TNFRSF8: variants seen among roughly 807,000 people sequenced by gnomAD.
TNFRSF8 encodes tumor necrosis factor receptor superfamily member 8.
Under a neutral mutation model 70.8 loss-of-function variants are expected in TNFRSF8, and 26 were observed. That is an observed-to-expected ratio of 0.37 (90% confidence interval 0.27 to 0.51). The LOEUF (loss-of-function observed/expected upper bound fraction) is 0.51. TNFRSF8 is among the 20% of genes least tolerant of loss of function. TNFRSF8 has a pLI of 0.94. For synonymous variants in TNFRSF8, 356 were observed against 339.2 expected (o/e 1.05, Z -0.54); for missense variants, 720 against 807.9 (o/e 0.89, Z 1.32).
chr1:12,085,881 G>A (rs1641145299), intron 2 of TNFRSF8, among the ~76,000 whole-genome samples: 1 of 152,228 alleles, frequency 6.6e-6, no homozygotes, highest in South Asian at 2.1e-4. Context: ...AGGACATAAC[G>A]ATGCCCTCGT....
At chr1:12,081,477 G>A (rs938684019) in intron 1 of TNFRSF8, among the ~76,000 whole-genome samples, 1 of 152,074 alleles carries the variant, frequency 6.6e-6, no homozygotes, top group Non-Finnish European at 1.5e-5. Context: ...GCTCCCAGGA[G>A]CCCTCTGGGT....
At chr1:12,068,448 G>A (rs894568725) in intron 1 of TNFRSF8, among the ~76,000 whole-genome samples, 1 of 152,080 alleles carries the variant, frequency 6.6e-6, no homozygotes, top group Non-Finnish European at 1.5e-5. Context: ...CACGCAGAAT[G>A]TCAAAAAAAG....
intron 3 of TNFRSF8, among the ~76,000 whole-genome samples, chr1:12,099,593 TTG>T (rs1641385515): frequency 6.6e-6 from 1 of 152,162 alleles, no homozygotes; most frequent in African/African-American, 2.4e-5. Context: ...TACAATTTTT[TTG>T]TGTGTCTCTG....
intron 1 of TNFRSF8, among the ~76,000 whole-genome samples, chr1:12,073,847 C>T (rs553803006): frequency 6.0e-4 from 92 of 152,170 alleles, no homozygotes; most frequent in African/African-American, 2.0e-3. Context: ...CTGCCTGCCT[C>T]GGCCTCCCAA....
chr1:12,114,837 T>G (rs1410496282), intron 7 of TNFRSF8, among the ~76,000 whole-genome samples: 2 of 150,910 alleles, frequency 1.3e-5, no homozygotes, highest in African/African-American at 4.9e-5. Flanking sequence ...GCCTCCTGAG[T>G]AGCTGGGATT....
rs763247801 is a variant in TNFRSF8 at position 12,138,487 on chromosome 1, G to A, written c.1543+51G>A. Reference sequence around the variant, plus strand: ...CCCTGCAGCCCAGGGGCAGATGGGAGATGAATACGGGGCCCTGGGCCCTGG... The same window carrying A: ...CCCTGCAGCCCAGGGGCAGATGGGAAATGAATACGGGGCCCTGGGCCCTGG... On this transcript the variant is annotated intron_variant, in intron 14 of 14. Transcript: ENST00000263932. This position sits in a 1 kb window ranked among gnomAD's most constrained non-coding sequence, Gnocchi z 5.7. The A allele has an allele frequency of 2.6e-6, 4 of 1,540,076 alleles. No individual in the cohort carries two copies. The highest frequency in any genetic ancestry group is 3.5e-6 in the Non-Finnish European group (4 of 1,133,980).
chr1:12,083,358 C>CAGTGTGTA (rs1641098505), intron 1 of TNFRSF8, among the ~76,000 whole-genome samples: 1 of 152,118 alleles, frequency 6.6e-6, no homozygotes, highest in Non-Finnish European at 1.5e-5. Context: ...AGGAATGTTC[C>CAGTGTGTA]CAGCAGCACT....
chr1:12,087,436 G>A (rs946730990), intron 2 of TNFRSF8, among the ~76,000 whole-genome samples: 2 of 152,160 alleles, frequency 1.3e-5, no homozygotes, highest in Non-Finnish European at 2.9e-5. Context: ...ATAAAGTGCT[G>A]GGATTACAGG....
At chr1:12,117,065 A>AT (rs1453411513) in intron 8 of TNFRSF8, among the ~76,000 whole-genome samples, 6 of 152,082 alleles carry the variant, frequency 3.9e-5, no homozygotes, top group Non-Finnish European at 8.8e-5. Flanking sequence ...TGAGTTTTTA[A>AT]TCCCCAGTAT....
chr1:12,082,283 C>T (rs1046711487), intron 1 of TNFRSF8, among the ~76,000 whole-genome samples: 24 of 152,136 alleles, frequency 1.6e-4, no homozygotes, highest in Non-Finnish European at 3.1e-4. Context: ...AGGTGGCTCA[C>T]GCCTGTAATC....
At chr1:12,099,058 A>C (rs1641375568) in intron 3 of TNFRSF8, among the ~76,000 whole-genome samples, 2 of 152,074 alleles carry the variant, frequency 1.3e-5, no homozygotes, top group Non-Finnish European at 1.5e-5. Flanking sequence ...ATTGGATTAC[A>C]CTGTCAGGTG....
Position 12,063,725 on chromosome 1 carries a change from G to A in TNFRSF8, c.63+64G>A, listed in dbSNP as rs961051618. On this transcript the variant is annotated intron_variant, in intron 1 of 14. Transcript: ENST00000263932. The surrounding 1 kb of genome is among the most constrained non-coding windows in gnomAD (Gnocchi z 7.2). ...CCAGAGCCCGGACAGTGTGGGGTGC[G>A]TGGGACGCAAGGGAGGACACTCCTC... 1 of 1,242,992 alleles carries A rather than the reference G, an allele frequency of 8.0e-7. No homozygotes were observed. Among genetic ancestry groups the A allele is most frequent in the Non-Finnish European group, 1.0e-6 (1 of 982,150 alleles). The allele number at this position is 1,242,992 out of a possible 1,614,324, so 77.0% of individuals were successfully genotyped here.
chr1:12,069,843 G>A (rs1640811541), intron 1 of TNFRSF8, among the ~76,000 whole-genome samples: 1 of 152,172 alleles, frequency 6.6e-6, no homozygotes, highest in South Asian at 2.1e-4. Flanking sequence ...TGAGAGAGAC[G>A]GGCGGCTCCC....
rs1294088868 is a variant in TNFRSF8, at chr1:12,109,620, C to T, written c.476C>T (p.Ala159Val). 4 of 1,613,804 alleles carry T rather than the reference C, an allele frequency of 2.5e-6. No homozygotes were observed. The highest frequency in any genetic ancestry group is 2.5e-6 in the Non-Finnish European group (3 of 1,179,954). The change falls in exon 5 of 15, where the codon GCC (alanine) becomes GTC (valine). Residue 159 changes from alanine to valine, a missense_variant. Transcript: ENST00000263932. The surrounding 1 kb of genome is among the most constrained non-coding windows in gnomAD (Gnocchi z 4.4). ...CEPASPGVSP[A>V]CASPENCKEP... is the part of the protein sequence containing the mutation. The stretch of plus-strand genomic sequence containing the variant: ...CCGGCTTCCCCAGGGGTCAGCCCTG[C>T]CTGTGCCAGCCCAGAGAACTGCAAG...
intron 2 of TNFRSF8, among the ~76,000 whole-genome samples, chr1:12,092,221 C>G (rs1438351725): frequency 6.6e-6 from 1 of 152,126 alleles, no homozygotes; most frequent in Non-Finnish European, 1.5e-5. Context: ...CTCTGTCACC[C>G]AGGCTGGAGT....
chr1:12,087,358 G>A (rs1227052680), intron 2 of TNFRSF8, among the ~76,000 whole-genome samples: 1 of 151,916 alleles, frequency 6.6e-6, no homozygotes, highest in African/African-American at 2.4e-5. Flanking sequence ...AGTAGAGATG[G>A]GGTTTCACCG....
chr1:12,094,025 C>G (rs912874002), intron 2 of TNFRSF8, among the ~76,000 whole-genome samples: 6 of 143,260 alleles, frequency 4.2e-5, no homozygotes, highest in Non-Finnish European at 7.5e-5. Context: ...TGCCACTGCA[C>G]TCCAGCCTGA....
chr1:12,141,497 C>T lies in TNFRSF8; in HGVS notation c.1544-790C>T, dbSNP rs1308779283. Among the ~76,000 whole-genome samples the T allele has an allele frequency of 6.6e-6, 1 of 152,246 alleles. No homozygotes were observed. Among genetic ancestry groups the T allele is most frequent in the African/African-American group, 2.4e-5 (1 of 41,458 alleles). On this transcript the variant is annotated intron_variant, in intron 14 of 14. Transcript: ENST00000263932. The surrounding 1 kb of genome is among the most constrained non-coding windows in gnomAD (Gnocchi z 5.4). ...CATGTGCTCACAGCACAGCCATGCA[C>T]GCTGCAGGCAGGAGACCGGCTGTGA...
intron 1 of TNFRSF8, among the ~76,000 whole-genome samples, chr1:12,068,871 TC>T (rs1445209146): frequency 6.6e-6 from 1 of 150,752 alleles, no homozygotes; most frequent in East Asian, 2.0e-4. Context: ...AGTTTCTTTT[TC>T]TTTCTTTTTT....
Sources: gnomAD v4.1 joint callset for allele counts (sites outside exome capture counted in the v4.1 genomes callset) on GRCh38, gnomAD v4.1.1 for gene constraint, Gnocchi (gnomAD v3.1) non-coding constraint, MANE v1.5 for transcripts, NCBI Gene and HGNC (gene_info 2026-07-23, HGNC 2026-07-21) for gene names.